The following PCCA variants were observed in gnomAD, a reference collection of about 807,000 sequenced individuals.
PCCA encodes the protein propionyl-CoA carboxylase subunit alpha, also known as propionyl-CoA carboxylase alpha chain, mitochondrial.
In PCCA, 74 loss-of-function variants were observed where a neutral mutation model predicts 101.3. The ratio of observed to expected loss-of-function variants is 0.73; its 90% CI spans 0.61 to 0.89. The LOEUF is 0.89. PCCA is among the 40% of genes least tolerant of loss of function. The pLI is 0.00. For missense variants in PCCA, 891 were observed against 907.0 expected (o/e 0.98, Z 0.23); for synonymous variants, 294 against 313.6 (o/e 0.94, Z 0.66).
chr13:100,229,869 T>G (rs1403625654), intron 7 of PCCA, among the ~76,000 whole-genome samples: 2 of 152,202 alleles, frequency 1.3e-5, no homozygotes, highest in Non-Finnish European at 2.9e-5. Flanking sequence ...TTTACGGCAC[T>G]GGGGAACAAG....
chr13:100,198,687 C>T (rs12877004), intron 6 of PCCA, among the ~76,000 whole-genome samples: 22,756 of 151,826 alleles, frequency 0.15, 1,808 homozygotes, highest in Middle Eastern at 0.22. Context: ...TTAGTAGAGA[C>T]GGGGTTTCAC....
chr13:100,121,552 G>C (rs965692085), intron 4 of PCCA, among the ~76,000 whole-genome samples: 2 of 149,150 alleles, frequency 1.3e-5, no homozygotes, highest in South Asian at 4.2e-4. Flanking sequence ...TTGGCTCACT[G>C]TAACCTCCGC....
chr13:100,298,169 A>T (rs2065703592), intron 12 of PCCA, among the ~76,000 whole-genome samples: 1 of 152,180 alleles, frequency 6.6e-6, no homozygotes, highest in Non-Finnish European at 1.5e-5. Context: ...TTTGTGTGGT[A>T]AGGATGGAGT....
Position 100,529,524 on chromosome 13 carries a change from C to T in PCCA, c.2119-574C>T, listed in dbSNP as rs1468966435. Among the ~76,000 whole-genome samples, 29 of 152,166 alleles carry T rather than the reference C, an allele frequency of 1.9e-4. 1 individual carries two copies. Among genetic ancestry groups the T allele is most frequent in the Admixed American group, 1.9e-3 (29 of 15,282 alleles). On this transcript the variant is annotated intron_variant, in intron 23 of 23. Coordinates refer to ENST00000376285, the MANE Select transcript of PCCA (RefSeq NM_000282.4). The stretch of plus-strand genomic sequence containing the variant: ...GACTGAAACCGGTAGGACAAAAAGG[C>T]ACAGTTCCACCCACCCATGGTGCTG...
At position 100,264,133 on chromosome 13, in the gene PCCA, ATGGTAT is replaced by A. The variant is rs2062759338; in HGVS notation, c.819+1303_819+1308del. ...TACGGTATCTGTATATCGTATATAT[ATGGTAT>A]CTGTATATCGTATATATATGGTATC... On this transcript the variant is annotated intron_variant, in intron 10 of 23. Transcript: ENST00000376285. 3.7e-5 allele frequency among the ~76,000 whole-genome samples: 2 copies of A among 53,368 alleles called. 1 individual carries two copies. The highest frequency in any genetic ancestry group is 1.2e-4 in the African/African-American group (2 of 16,166). 35.0% of individuals were successfully genotyped at this position (53,368 alleles called of 152,430 possible).
chr13:100,328,196 C>T (rs962190727), intron 16 of PCCA, among the ~76,000 whole-genome samples: 1 of 151,956 alleles, frequency 6.6e-6, no homozygotes, highest in Non-Finnish European at 1.5e-5. Flanking sequence ...AACCCCGTCT[C>T]TAGTAAAAAT....
At chr13:100,208,676 A>G (rs1012352514) in intron 6 of PCCA, among the ~76,000 whole-genome samples, 1 of 152,144 alleles carries the variant, frequency 6.6e-6, no homozygotes, top group African/African-American at 2.4e-5. Flanking sequence ...CAAGAGAGGT[A>G]GATCCATTGT....
intron 21 of PCCA, among the ~76,000 whole-genome samples, chr13:100,453,766 A>C (rs977069486): frequency 2.6e-5 from 4 of 152,134 alleles, no homozygotes; most frequent in African/African-American, 9.7e-5. Flanking sequence ...AAAAAAACAC[A>C]AGAAACAAAA....
chr13:100,439,158 G>A (rs1050905575), intron 20 of PCCA, among the ~76,000 whole-genome samples: 1 of 152,184 alleles, frequency 6.6e-6, no homozygotes, highest in African/African-American at 2.4e-5. Flanking sequence ...GTAAACCAGA[G>A]AGTGTTTACA....
At chr13:100,150,737 C>T in intron 4 of PCCA, 2 of 1,587,008 alleles carry the variant, frequency 1.3e-6, no homozygotes, top group South Asian at 1.1e-5. Flanking sequence ...TTCACCAACC[C>T]AGTAAGAATT....
intron 4 of PCCA, among the ~76,000 whole-genome samples, chr13:100,119,424 A>G (rs921240715): frequency 2.0e-5 from 3 of 152,152 alleles, no homozygotes; most frequent in African/African-American, 7.2e-5. Context: ...GATAGGTGGT[A>G]TATTTGTTTC....
chr13:100,410,316 C>T (rs1347452876), intron 19 of PCCA, among the ~76,000 whole-genome samples: 1 of 152,140 alleles, frequency 6.6e-6, no homozygotes, highest in African/African-American at 2.4e-5. Context: ...GATCTGAGCT[C>T]ACTGCAACCT....
chr13:100,272,309 C>T lies in PCCA; in HGVS notation c.915-887C>T, dbSNP rs1284818973. On this transcript the variant is annotated intron_variant, in intron 11 of 23. Coordinates refer to ENST00000376285, the MANE Select transcript of PCCA (RefSeq NM_000282.4). ...GGGGAAATACAGGGTTAGGTTCCTG[C>T]GAGCCTTTGCTTATAACATTTTCCT... Among the ~76,000 whole-genome samples, 4 of 152,072 alleles carry T rather than the reference C, an allele frequency of 2.6e-5. No individual in the cohort carries two copies. In the East Asian group the frequency reaches 5.8e-4, roughly 22 times the overall value.
At chr13:100,182,199 C>T (rs867735314) in intron 6 of PCCA, among the ~76,000 whole-genome samples, 15 of 148,372 alleles carry the variant, frequency 1.0e-4, no homozygotes, top group Non-Finnish European at 1.6e-4. Flanking sequence ...CCCGTTCAAG[C>T]GATTCTCCTG....
chr13:100,379,193 T>G (rs2076087563), intron 19 of PCCA, among the ~76,000 whole-genome samples: 1 of 152,162 alleles, frequency 6.6e-6, no homozygotes, highest in South Asian at 2.1e-4. Flanking sequence ...ATGATTTCTT[T>G]GGCTGTAAAC....
intron 21 of PCCA, among the ~76,000 whole-genome samples, chr13:100,457,485 T>A (rs1179246132): frequency 6.6e-6 from 1 of 152,168 alleles, no homozygotes; most frequent in Non-Finnish European, 1.5e-5. Context: ...GCAGCAGTGG[T>A]CAGGATACCA....
chr13:100,133,729 A>G (rs2152328469), intron 4 of PCCA, among the ~76,000 whole-genome samples: 1 of 152,292 alleles, frequency 6.6e-6, no homozygotes, highest in East Asian at 1.9e-4. Context: ...GGTGTTACCA[A>G]AGGAGGTTGA....
rs370771603 is a variant in PCCA, at chr13:100,385,965, G to T, written c.1746+17391G>T. ...CTCAAACGCTGGTGGGAGTATAAATGGATATAACAACCTCCATGGAGAGCA... is the reference window on the plus strand; with the variant it reads ...CTCAAACGCTGGTGGGAGTATAAATTGATATAACAACCTCCATGGAGAGCA... On this transcript the variant is annotated intron_variant, in intron 19 of 23. Coordinates refer to ENST00000376285, the MANE Select transcript of PCCA (RefSeq NM_000282.4). Among the ~76,000 whole-genome samples, 165 of 152,228 alleles carry T rather than the reference G, an allele frequency of 1.1e-3. 6 individuals carry two copies. In the South Asian group the frequency reaches 0.031, roughly 29 times the overall value.
intron 16 of PCCA, among the ~76,000 whole-genome samples, chr13:100,328,231 C>T (rs569544257): frequency 1.9e-4 from 29 of 151,880 alleles, no homozygotes; most frequent in Middle Eastern, 3.4e-3. Flanking sequence ...GGTGTGGTGG[C>T]GTGTTCCTGT....
Sources: gnomAD v4.1 joint callset for allele counts (sites outside exome capture counted in the v4.1 genomes callset) on GRCh38, gnomAD v4.1.1 for gene constraint, MANE v1.5 for transcripts, NCBI Gene and HGNC (gene_info 2026-07-23, HGNC 2026-07-21) for gene names.